The following PCDH15 variants were observed in gnomAD, a reference collection of about 807,000 sequenced individuals.
PCDH15 encodes the protein protocadherin related 15, also known as protocadherin-15.
PCDH15 carries 129 observed loss-of-function variants against 178.5 expected under a neutral mutation model. The ratio of observed to expected loss-of-function variants is 0.72; its 90% CI spans 0.63 to 0.84. PCDH15 has a LOEUF of 0.84. PCDH15 is among the 40% of genes least tolerant of loss of function. PCDH15 has a pLI of 0.00. For missense variants in PCDH15, 2,230 were observed against 2,099.9 expected, an observed-to-expected ratio of 1.06 and a Z score of -1.21; for synonymous variants, 800 against 732.0, an observed-to-expected ratio of 1.09 and a Z score of -1.50.
chr10:54,653,486 T>G (rs1346311804), intron 2 of PCDH15, among the ~76,000 whole-genome samples: 1 of 152,122 alleles, frequency 6.6e-6, no homozygotes, highest in East Asian at 1.9e-4. Context: ...AAGTTTGGAG[T>G]AGGTATATTA....
intron 3 of PCDH15, among the ~76,000 whole-genome samples, chr10:54,463,578 A>G (rs188658938): frequency 6.6e-5 from 10 of 152,310 alleles, no homozygotes; most frequent in African/African-American, 2.2e-4. Flanking sequence ...TGGGAAGCCA[A>G]GTAAACATAA....
chr10:54,394,103 T>C (rs1466131453), intron 3 of PCDH15, among the ~76,000 whole-genome samples: 1 of 152,084 alleles, frequency 6.6e-6, no homozygotes, highest in South Asian at 2.1e-4. Flanking sequence ...ATAAAGAAAA[T>C]TGAAAACATA....
At chr10:54,118,757 A>G (rs573919151) in intron 15 of PCDH15, among the ~76,000 whole-genome samples, 1 of 146,088 alleles carries the variant, frequency 6.8e-6, no homozygotes, top group African/African-American at 2.6e-5. Context: ...CTAGAAGAAA[A>G]CCTAGGAAAG....
chr10:55,341,762 CATATATATATATATATAT>C (rs775413614), intron 2 of PCDH15, among the ~76,000 whole-genome samples: 25 of 44,022 alleles, frequency 5.7e-4, no homozygotes, highest in African/African-American at 8.3e-4. Flanking sequence ...CATACATATG[CATATATATATATATATAT>C]ATATATATAT....
At chr10:53,973,556 A>T (rs144707835) in intron 21 of PCDH15, among the ~76,000 whole-genome samples, 1 of 152,314 alleles carries the variant, frequency 6.6e-6, no homozygotes, top group East Asian at 1.9e-4. Flanking sequence ...GAACACTAAA[A>T]GCAGTATACA....
intron 2 of PCDH15, among the ~76,000 whole-genome samples, chr10:55,388,459 C>T (rs1282955470): frequency 3.9e-5 from 6 of 151,994 alleles, no homozygotes; most frequent in Non-Finnish European, 7.4e-5. Flanking sequence ...TTGTTCTGTG[C>T]TCCACTGAGA....
At chr10:55,242,284 C>G (rs150874584) in intron 1 of PCDH15, among the ~76,000 whole-genome samples, 106 of 152,178 alleles carry the variant, frequency 7.0e-4, no homozygotes, top group Non-Finnish European at 1.4e-3. Context: ...CCACTTCCTG[C>G]TTGTATGTGC....
intron 11 of PCDH15, among the ~76,000 whole-genome samples, chr10:54,192,060 G>A (rs1258156884): frequency 6.8e-6 from 1 of 146,668 alleles, no homozygotes; most frequent in Admixed American, 7.0e-5. Flanking sequence ...CAGGAAGGCA[G>A]GCAGGCAGAA....
chr10:55,356,154 G>C (rs1350455879), intron 2 of PCDH15, among the ~76,000 whole-genome samples: 1 of 151,740 alleles, frequency 6.6e-6, no homozygotes, highest in Non-Finnish European at 1.5e-5. Flanking sequence ...GCTGCCCTGT[G>C]TTCAGCCCTT....
chr10:55,192,151 C>T (rs1330772487), intron 1 of PCDH15, among the ~76,000 whole-genome samples: 3 of 151,784 alleles, frequency 2.0e-5, no homozygotes, highest in Non-Finnish European at 4.4e-5. Context: ...ACTTCATTAG[C>T]TAGTTCATCC....
At chr10:54,428,606 T>G (rs527818243) in intron 3 of PCDH15, among the ~76,000 whole-genome samples, 1 of 152,282 alleles carries the variant, frequency 6.6e-6, no homozygotes, top group South Asian at 2.1e-4. Context: ...AAACAAGTAT[T>G]CATCTCAGAG....
intron 2 of PCDH15, among the ~76,000 whole-genome samples, chr10:55,035,255 T>C (rs1591848958): frequency 1.3e-5 from 2 of 152,172 alleles, no homozygotes; most frequent in African/African-American, 4.8e-5. Flanking sequence ...TCTTATAGCA[T>C]TATTTTTGTA....
intron 2 of PCDH15, among the ~76,000 whole-genome samples, chr10:55,523,692 T>C (rs1204445414): frequency 1.3e-5 from 2 of 151,640 alleles, no homozygotes; most frequent in Non-Finnish European, 3.0e-5. Flanking sequence ...ATTTAATCTC[T>C]ATTTCCATGA....
intron 3 of PCDH15, among the ~76,000 whole-genome samples, chr10:54,886,655 G>A (rs1330845881): frequency 1.3e-5 from 2 of 152,184 alleles, no homozygotes; most frequent in African/African-American, 2.4e-5. Flanking sequence ...CTAGCTACTC[G>A]GGAGGCCTTG....
At chr10:54,565,824 C>T (rs893214099) in intron 2 of PCDH15, among the ~76,000 whole-genome samples, 4 of 152,182 alleles carry the variant, frequency 2.6e-5, no homozygotes, top group African/African-American at 9.7e-5. Flanking sequence ...GTGGCTCATG[C>T]CTGTAATCCC....
chr10:54,785,382 T>A (rs1458177136), intron 1 of PCDH15, among the ~76,000 whole-genome samples: 1 of 151,986 alleles, frequency 6.6e-6, no homozygotes, highest in East Asian at 1.9e-4. Context: ...TTCTTAAGCT[T>A]CATATTTTAG....
intron 1 of PCDH15, among the ~76,000 whole-genome samples, chr10:54,736,686 T>C (rs1380638431): frequency 1.3e-5 from 2 of 152,092 alleles, no homozygotes; most frequent in African/African-American, 4.8e-5. Flanking sequence ...GGTCTGAATA[T>C]ACCTTCTTCT....
At chr10:55,006,838 A>G (rs1250205566) in intron 2 of PCDH15, among the ~76,000 whole-genome samples, 1 of 151,926 alleles carries the variant, frequency 6.6e-6, no homozygotes, top group East Asian at 1.9e-4. Flanking sequence ...CTTTCTTTTC[A>G]CCTATTTCTC....
intron 9 of PCDH15, among the ~76,000 whole-genome samples, chr10:54,217,997 A>G (rs771697660): frequency 1.3e-5 from 2 of 152,210 alleles, no homozygotes; most frequent in Non-Finnish European, 2.9e-5. Context: ...TTTGAAACAG[A>G]TCAAATATGT....
Sources: gnomAD v4.1 joint callset for allele counts (sites outside exome capture counted in the v4.1 genomes callset) on GRCh38, gnomAD v4.1.1 for gene constraint, MANE v1.5 for transcripts, NCBI Gene and HGNC (gene_info 2026-07-23, HGNC 2026-07-21) for gene names.